PDGFRA: variants seen among roughly 807,000 people sequenced by gnomAD.
The protein encoded by PDGFRA is platelet derived growth factor receptor alpha, also known as platelet-derived growth factor receptor alpha.
A neutral mutation model predicts 121.5 loss-of-function variants in PDGFRA; 25 were observed. The ratio of observed to expected loss-of-function variants is 0.21; its 90% CI spans 0.15 to 0.29. The LOEUF (loss-of-function observed/expected upper bound fraction) is 0.29. Ranked by LOEUF, PDGFRA falls within the 10% of genes least tolerant of loss-of-function variation. The probability of loss-of-function intolerance (pLI) is 1.00; values close to 1 mark genes in which losing one functional copy is unlikely to be tolerated. For missense variants in PDGFRA, 1,008 were observed against 1,345.1 expected (o/e 0.75, Z 3.92); for synonymous variants, 463 against 494.8 (o/e 0.94, Z 0.85).
At chr4:54,287,372 C>G in intron 18 of PDGFRA, 58 bp from the exon 19 acceptor site, 5 of 795,224 alleles carry the variant, frequency 6.3e-6, no homozygotes, top group South Asian at 5.3e-5. Flanking sequence ...TCTATTTCCA[C>G]TGCTGTGGAT....
At position 54,278,358 on chromosome 4, in the gene PDGFRA, A is replaced by T. The variant is rs756002020; in HGVS notation, c.2003-4A>T. 9 of 1,612,344 alleles carry T rather than the reference A, an allele frequency of 5.6e-6. No homozygotes were observed. The Admixed American group carries it at 1.5e-4, about 27-fold the overall frequency. ...CCATCTCCTAACGGCTTTTGTCCCC[A>T]TAGGCCCCATTTACATCATCACAGA... On this transcript the variant is annotated splice_polypyrimidine_tract_variant and splice_region_variant and intron_variant, in intron 14 of 22. Coordinates refer to ENST00000257290, the MANE Select transcript of PDGFRA (RefSeq NM_006206.6).
chr4:54,267,717 A>T lies in PDGFRA; in HGVS notation c.1097A>T (p.Asp366Val). The change falls in exon 7 of 23, where the codon GAT (aspartate) becomes GTT (valine). Residue 366 changes from aspartate (D) to valine (V), a missense_variant. By Grantham distance (152) the Asp-to-Val change is radical. Transcript: ENST00000257290. ...LIENLTEITT[D>V]VEKIQEIRYR... is the part of the protein sequence containing the mutation. ...GAAAATCTCACTGAGATCACCACTG[A>T]TGTGGAAAAGATTCAGGAAATAAGG... 6.2e-7 allele frequency: 1 copy of T among 1,614,036 alleles called. No homozygotes were observed. The highest frequency in any genetic ancestry group is 1.3e-5 in the African/African-American group (1 of 75,058).
chr4:54,250,160 G>A (rs952446610), intron 1 of PDGFRA, among the ~76,000 whole-genome samples: 2 of 152,172 alleles, frequency 1.3e-5, no homozygotes, highest in Non-Finnish European at 2.9e-5. Context: ...AAAAGTGACA[G>A]ATCATTTGGA....
intron 7 of PDGFRA, 92 bp downstream of exon 7, chr4:54,267,833 T>C: frequency 1.0e-6 from 1 of 983,488 alleles, no homozygotes; most frequent in Non-Finnish European, 1.6e-6. Context: ...AGACCCAAAG[T>C]CAGTCTAGAA....
chr4:54,263,526 G>A, intron 3 of PDGFRA, 141 bp from the exon 4 acceptor site: 1 of 819,272 alleles, frequency 1.2e-6, no homozygotes, highest in African/African-American at 1.7e-5. Flanking sequence ...ACTAATGCCA[G>A]TGGGGCAATT....
At position 54,278,348 on chromosome 4, in the gene PDGFRA, T is replaced by G. The variant is rs376504407; in HGVS notation, c.2003-14T>G. ...ATTTTCATACCCATCTCCTAACGGC[T>G]TTTGTCCCCATAGGCCCCATTTACA... On this transcript the variant is annotated splice_polypyrimidine_tract_variant and intron_variant, in intron 14 of 22. Coordinates refer to ENST00000257290, the MANE Select transcript of PDGFRA (RefSeq NM_006206.6). 3.1e-6 allele frequency: 5 copies of G among 1,611,488 alleles called. No individual in the cohort carries two copies. The highest frequency in any genetic ancestry group is 2.2e-5 in the East Asian group (1 of 44,862).
rs1275315872 is a variant in PDGFRA, at chr4:54,297,564, G to T, written c.*2292G>T. ...GCATTTTGATATTGCTGTGAGCCTT[G>T]CATGACATCATGAGGCCGGATGAAA... is the stretch of plus-strand genomic sequence containing the variant. On this transcript the variant is annotated 3_prime_UTR_variant, in exon 23 of 23. Transcript: ENST00000257290. The T allele has an allele frequency of 4.3e-6, 1 of 233,466 alleles. No homozygotes were observed. Among genetic ancestry groups the T allele is most frequent in the African/African-American group, 2.2e-5 (1 of 45,310 alleles). 14.5% of individuals were successfully genotyped at this position (233,466 alleles called of 1,614,324 possible). A position where few individuals can be genotyped will look rare whatever the true frequency, so the allele number is the denominator to read the frequency against.
rs1721309640 is a variant in PDGFRA, at chr4:54,241,697, G to A, written c.-13+12282G>A. On this transcript the variant is annotated intron_variant, in intron 1 of 22. Coordinates refer to ENST00000257290, the MANE Select transcript of PDGFRA (RefSeq NM_006206.6). ...CCTGAGTAGCTAGGATTACAGGCATGCACCACCACACCTGGCTAATTTTGT... is the reference window on the plus strand; with the variant it reads ...CCTGAGTAGCTAGGATTACAGGCATACACCACCACACCTGGCTAATTTTGT... Among the ~76,000 whole-genome samples the A allele has an allele frequency of 2.6e-5, 4 of 152,006 alleles. No homozygotes were observed. In the South Asian group the frequency reaches 8.3e-4, roughly 32 times the overall value.
chr4:54,256,291 A>G (rs1186154554), intron 1 of PDGFRA, among the ~76,000 whole-genome samples: 2 of 152,054 alleles, frequency 1.3e-5, no homozygotes, highest in African/African-American at 4.8e-5. Context: ...GCTGGCGTGC[A>G]GTGGCATGAC....
In PDGFRA at chr4:54,264,895, C is replaced by G. The variant is rs375725584; in HGVS notation, c.629-24C>G. The G allele has an allele frequency of 5.6e-6, 9 of 1,607,634 alleles. No individual in the cohort carries two copies. The African/African-American group carries it at 9.4e-5, about 17-fold the overall frequency. On this transcript the variant is annotated intron_variant, in intron 4 of 22. Transcript: ENST00000257290. ...CTGGCTATCCTGTGGATTTTTAGGCCCTTGTATTTGTTCTTTTTTATAGCA... is the reference window on the plus strand; with the variant it reads ...CTGGCTATCCTGTGGATTTTTAGGCGCTTGTATTTGTTCTTTTTTATAGCA...
intron 22 of PDGFRA, among the ~76,000 whole-genome samples, chr4:54,294,117 C>G (rs1051996153): frequency 6.6e-6 from 1 of 152,016 alleles, no homozygotes; most frequent in Admixed American, 6.6e-5. Flanking sequence ...GAAGATGGGA[C>G]ACAGTGGCCC....
intron 1 of PDGFRA, among the ~76,000 whole-genome samples, chr4:54,238,250 G>A (rs1310421835): frequency 2.6e-5 from 4 of 152,092 alleles, no homozygotes; most frequent in South Asian, 2.1e-4. Flanking sequence ...GCCACCTTAC[G>A]GTAGAAATAC....
chr4:54,278,141 GGTCCC>G lies in PDGFRA; in HGVS notation c.2002+136_2002+140del, dbSNP rs1225352060. ...AGAAGTCCCTTGAATGGAGCTGACTGGTCCCTTGAATTGATGGAAGCTCATTGGTT... is the reference window on the plus strand; with the variant it reads ...AGAAGTCCCTTGAATGGAGCTGACTGTTGAATTGATGGAAGCTCATTGGTT... On this transcript the variant is annotated intron_variant, in intron 14 of 22. Coordinates refer to ENST00000257290, the MANE Select transcript of PDGFRA (RefSeq NM_006206.6). 2.6e-5 allele frequency: 19 copies of G among 736,608 alleles called. No homozygotes were observed. In the African/African-American group the frequency reaches 3.3e-4, roughly 13 times the overall value. The allele number at this position is 736,608 out of a possible 1,614,324, so 45.6% of individuals were successfully genotyped here. A position where few individuals can be genotyped will look rare whatever the true frequency, so the allele number is the denominator to read the frequency against.
chr4:54,232,855 G>C (rs1167743161), intron 1 of PDGFRA, among the ~76,000 whole-genome samples: 1 of 152,192 alleles, frequency 6.6e-6, no homozygotes, highest in Non-Finnish European at 1.5e-5. Context: ...AAAGTGCTGG[G>C]ATTTACAGGC....
At position 54,295,058 on chromosome 4, in the gene PDGFRA, G is replaced by A. The variant is rs1055793095; in HGVS notation, c.3123-67G>A. 5.6e-5 allele frequency: 84 copies of A among 1,488,118 alleles called. No homozygotes were observed. In the African/African-American group the frequency reaches 9.2e-4, roughly 16 times the overall value. 92.2% of individuals were successfully genotyped at this position (1,488,118 alleles called of 1,614,324 possible). A position where few individuals can be genotyped will look rare whatever the true frequency, so the allele number is the denominator to read the frequency against. On this transcript the variant is annotated intron_variant, in intron 22 of 22. Transcript: ENST00000257290. ...TGCCAAAGGCTTTCGTTTGTCTCTG[G>A]GGGGCCACAGTCTAGGTCTAGTTCT...
chr4:54,281,445 C>T (rs1242340532), intron 16 of PDGFRA: 1 of 432,468 alleles, frequency 2.3e-6, no homozygotes, highest in African/African-American at 2.1e-5. Flanking sequence ...TTCTGCGGTT[C>T]CAAGTTCCAT....
intron 16 of PDGFRA, among the ~76,000 whole-genome samples, chr4:54,282,475 G>A (rs921321775): frequency 1.1e-4 from 17 of 152,162 alleles, no homozygotes; most frequent in South Asian, 4.1e-4. Context: ...TTACTATTGC[G>A]AGGACAGCAC....
chr4:54,232,251 G>T (rs1342265678), intron 1 of PDGFRA, among the ~76,000 whole-genome samples: 1 of 152,190 alleles, frequency 6.6e-6, no homozygotes, highest in African/African-American at 2.4e-5. Flanking sequence ...ATAATCTTTC[G>T]GTCTCGCCTG....
At chr4:54,293,324 A>T (rs1724721674) in intron 22 of PDGFRA, among the ~76,000 whole-genome samples, 1 of 151,998 alleles carries the variant, frequency 6.6e-6, no homozygotes, top group Non-Finnish European at 1.5e-5. Flanking sequence ...TTTGGCAAAC[A>T]TGCTTCATAG....
Sources: allele counts gnomAD v4.1 joint callset (sites outside exome capture counted in the v4.1 genomes callset), GRCh38; gene constraint gnomAD v4.1.1; transcripts MANE v1.5; gene names NCBI Gene and HGNC (gene_info 2026-07-23, HGNC 2026-07-21).